The following TJP1 variants were observed in gnomAD, a reference collection of about 807,000 sequenced individuals.
TJP1 encodes tight junction protein 1, also known as tight junction protein ZO-1.
In TJP1, 43 loss-of-function variants were observed where a neutral mutation model predicts 194.2. The ratio of observed to expected loss-of-function variants is 0.22; its 90% CI spans 0.17 to 0.29. The LOEUF (loss-of-function observed/expected upper bound fraction) is 0.29, where lower values mean the gene tolerates loss of function less well. Among genes scored for constraint, TJP1 ranks in the 10% least tolerant of loss-of-function variants. The pLI is 1.00. For synonymous variants in TJP1, 801 were observed against 779.0 expected, an observed-to-expected ratio of 1.03 and a Z score of -0.47; for missense variants, 1,971 against 2,185.7, an observed-to-expected ratio of 0.90 and a Z score of 1.96.
intron 2 of TJP1, among the ~76,000 whole-genome samples, chr15:29,876,061 CA>C (rs1488855714): frequency 6.6e-6 from 1 of 152,308 alleles, no homozygotes; most frequent in East Asian, 1.9e-4. Context: ...AGCCACATTT[CA>C]AATAACCCAT....
At chr15:29,868,666 G>A (rs952561817) in intron 2 of TJP1, among the ~76,000 whole-genome samples, 4 of 152,280 alleles carry the variant, frequency 2.6e-5, no homozygotes, top group African/African-American at 4.8e-5. Context: ...CTGGGTTCCC[G>A]TATTTCTTAA....
chr15:29,791,819 C>G (rs776125152), intron 2 of TJP1, among the ~76,000 whole-genome samples: 8 of 152,100 alleles, frequency 5.3e-5, no homozygotes, highest in Non-Finnish European at 8.8e-5. Context: ...GCCATTTTAA[C>G]TGGGATGAAA....
intron 1 of TJP1, among the ~76,000 whole-genome samples, chr15:29,965,024 C>G (rs1296143133): frequency 6.6e-6 from 1 of 152,118 alleles, no homozygotes; most frequent in Non-Finnish European, 1.5e-5. Flanking sequence ...CACAAATGCC[C>G]AAGCGAGATG....
intron 2 of TJP1, among the ~76,000 whole-genome samples, chr15:29,834,500 G>C (rs528717346): frequency 2.6e-5 from 4 of 152,362 alleles, no homozygotes; most frequent in Admixed American, 6.5e-5. Context: ...TTACAGGCAT[G>C]AGCCACCGCA....
intron 2 of TJP1, among the ~76,000 whole-genome samples, chr15:29,882,105 G>C: frequency 6.6e-6 from 1 of 152,100 alleles, no homozygotes; most frequent in East Asian, 1.9e-4. Flanking sequence ...GCTGGATACT[G>C]AGAAGTCAGA....
intron 2 of TJP1, among the ~76,000 whole-genome samples, chr15:29,793,815 G>A (rs2048242481): frequency 6.6e-6 from 1 of 152,170 alleles, no homozygotes; most frequent in Non-Finnish European, 1.5e-5. Context: ...CCATATCAGA[G>A]TATGTTGAAC....
intron 18 of TJP1, among the ~76,000 whole-genome samples, chr15:29,725,377 G>C (rs1347576489): frequency 6.6e-6 from 1 of 152,152 alleles, no homozygotes; most frequent in African/African-American, 2.4e-5. Context: ...GACATGGGGG[G>C]TCCTAAGCAT....
intron 2 of TJP1, among the ~76,000 whole-genome samples, chr15:29,888,938 T>A (rs2053214663): frequency 6.6e-6 from 1 of 152,214 alleles, no homozygotes; most frequent in Non-Finnish European, 1.5e-5. Flanking sequence ...AGGGATGGAC[T>A]GGATCTAATC....
intron 2 of TJP1, among the ~76,000 whole-genome samples, chr15:29,930,290 A>C (rs1195520355): frequency 6.6e-6 from 1 of 152,236 alleles, no homozygotes; most frequent in Non-Finnish European, 1.5e-5. Flanking sequence ...CAAGTACAGC[A>C]TGAACATCTC....
At chr15:29,766,584 A>G (rs1177972670) in intron 4 of TJP1, 42 bp from the exon 5 acceptor site, 4 of 1,512,180 alleles carry the variant, frequency 2.6e-6, no homozygotes, top group Non-Finnish European at 3.5e-6. Flanking sequence ...ACTGATTTTC[A>G]TATATGTACG....
chr15:29,731,816 A>T (rs1566916463), intron 15 of TJP1, among the ~76,000 whole-genome samples: 1 of 152,080 alleles, frequency 6.6e-6, no homozygotes, highest in Non-Finnish European at 1.5e-5. Flanking sequence ...AAAAAAAAAA[A>T]GAAAGTAAAT....
intron 10 of TJP1, among the ~76,000 whole-genome samples, chr15:29,739,894 T>C (rs778499129): frequency 1.1e-4 from 16 of 152,226 alleles, no homozygotes; most frequent in Admixed American, 5.9e-4. Flanking sequence ...ATTAAAATTG[T>C]ACAGTTTTAA....
At chr15:29,827,006 T>C (rs2050697224), upstream of TJP1, among the ~76,000 whole-genome samples, 1 of 152,096 alleles carries the variant, frequency 6.6e-6, no homozygotes, top group African/African-American at 2.4e-5. Flanking sequence ...CTGCTGGTCC[T>C]CTCCCACTCT....
chr15:29,960,469 C>A (rs1171351374), intron 1 of TJP1, among the ~76,000 whole-genome samples: 1 of 151,362 alleles, frequency 6.6e-6, no homozygotes, highest in African/African-American at 2.4e-5. Context: ...CCCGTCTCTA[C>A]AAAAAATACA....
At chr15:29,799,601 C>T (rs1217068625) in intron 2 of TJP1, among the ~76,000 whole-genome samples, 1 of 151,934 alleles carries the variant, frequency 6.6e-6, no homozygotes. Context: ...ATTTTTAGTA[C>T]AGACAGGGTT....
rs1400380600 is a variant in TJP1, at chr15:29,718,933, A to C, written c.3209T>G (p.Phe1070Cys). The change falls in exon 21 of 28, where the codon TTT (phenylalanine) becomes TGT (cysteine). Residue 1070 changes from phenylalanine (F) to cysteine (C), a missense_variant. Around this residue, in one of 5 missense-constraint regions of TJP1, gnomAD observed 1,108 missense variants for 1,128.5 expected, o/e 0.98. Coordinates refer to ENST00000614355, the MANE Select transcript of TJP1 (RefSeq NM_001330239.4). ...RYESSSYTDQ[F>C]SRNYEHRLRY... ...CAGACGATGTTCATAGTTTCGAGAA[A>C]ACTGGTCCGTATAGCTTGAGGACTC... 6.2e-7 allele frequency: 1 copy of C among 1,614,106 alleles called. No individual in the cohort carries two copies. The highest frequency in any genetic ancestry group is 1.1e-5 in the South Asian group (1 of 91,082).
chr15:29,953,671 A>G (rs1323333050), intron 2 of TJP1, among the ~76,000 whole-genome samples: 1 of 152,184 alleles, frequency 6.6e-6, no homozygotes, highest in East Asian at 1.9e-4. Flanking sequence ...AATTTCTAAC[A>G]ATCTAAAAAC....
At chr15:29,908,319 A>G (rs772719218) in intron 2 of TJP1, among the ~76,000 whole-genome samples, 26 of 152,152 alleles carry the variant, frequency 1.7e-4, no homozygotes, top group Non-Finnish European at 3.1e-4. Flanking sequence ...GAAAGTGTAA[A>G]GGACTGGGAT....
chr15:29,887,173 AT>A (rs2053142162), intron 2 of TJP1, among the ~76,000 whole-genome samples: 1 of 151,910 alleles, frequency 6.6e-6, no homozygotes, highest in East Asian at 1.9e-4. Flanking sequence ...CCCTCACCTG[AT>A]TCTATATGGT....
Sources: gnomAD v4.1 joint callset for allele counts (sites outside exome capture counted in the v4.1 genomes callset) on GRCh38, gnomAD v4.1.1 for gene constraint, gnomAD v4.1.1 regional missense constraint, MANE v1.5 for transcripts, NCBI Gene and HGNC (gene_info 2026-07-23, HGNC 2026-07-21) for gene names.